Variants in ANK3 observed in about 807,000 individuals in gnomAD.
The protein encoded by ANK3 is ankyrin 3.
A neutral mutation model predicts 370.9 loss-of-function variants in ANK3; 57 were observed. The ratio of observed to expected loss-of-function variants is 0.15; its 90% confidence interval spans 0.12 to 0.19. The LOEUF is 0.19. Among genes scored for constraint, ANK3 ranks in the 10% least tolerant of loss-of-function variants. The probability of loss-of-function intolerance (pLI) is 1.00; values close to 1 mark genes in which losing one functional copy is unlikely to be tolerated. For missense variants in ANK3, 4,439 were observed against 5,302.1 expected (o/e 0.84, Z 5.06); for synonymous variants, 1,929 against 1,946.3 (o/e 0.99, Z 0.23).
At chr10:60,435,949 C>T (rs2064145171) in intron 2 of ANK3, among the ~76,000 whole-genome samples, 2 of 152,228 alleles carry the variant, frequency 1.3e-5, no homozygotes, top group East Asian at 1.9e-4. Flanking sequence ...TAGCCGGGCG[C>T]AGTGGCAGGC....
At chr10:60,638,843 C>A (rs1289297179) in intron 1 of ANK3, among the ~76,000 whole-genome samples, 1 of 151,992 alleles carries the variant, frequency 6.6e-6, no homozygotes, top group Non-Finnish European at 1.5e-5. Flanking sequence ...AAATAAAGCA[C>A]AGACAGAAAG....
intron 14 of ANK3, 107 bp from the exon 15 acceptor site, chr10:60,196,732 G>A: frequency 1.5e-6 from 1 of 685,962 alleles, no homozygotes; most frequent in Non-Finnish European, 2.5e-6. Context: ...TGACATAAGG[G>A]CACTGCTTTC....
At chr10:60,636,630 T>C in intron 1 of ANK3, among the ~76,000 whole-genome samples, 1 of 152,210 alleles carries the variant, frequency 6.6e-6, no homozygotes, top group East Asian at 1.9e-4. Flanking sequence ...CAAGAAAGAC[T>C]GCTTCAGGCA....
At chr10:60,539,653 G>A (rs1371351980) in intron 2 of ANK3, among the ~76,000 whole-genome samples, 1 of 151,882 alleles carries the variant, frequency 6.6e-6, no homozygotes, top group Non-Finnish European at 1.5e-5. Context: ...AATAAGAGAA[G>A]TAGTCAAATG....
chr10:60,555,405 G>T (rs999177139), intron 2 of ANK3, among the ~76,000 whole-genome samples: 3 of 152,014 alleles, frequency 2.0e-5, no homozygotes, highest in Non-Finnish European at 2.9e-5. Flanking sequence ...CCCAGGAGTT[G>T]GAGGCTGAAG....
rs548781963 is a variant in ANK3 at position 60,126,987 on chromosome 10, AT to A, written c.2841+7283del. Among the ~76,000 whole-genome samples the A allele has an allele frequency of 3.0e-3, 462 of 152,328 alleles. 3 individuals carry two copies. The highest frequency in any genetic ancestry group is 0.011 in the African/African-American group (439 of 41,574). ...TTTCCAGGGATGGGGGAAGACTGAA[AT>A]TAAATTGCTGGTTTATATGGCAAGA... On this transcript the variant is annotated intron_variant, in intron 25 of 43. Coordinates refer to ENST00000280772, the MANE Select transcript of ANK3 (RefSeq NM_020987.5).
intron 1 of ANK3, among the ~76,000 whole-genome samples, chr10:60,725,168 C>A (rs897074736): frequency 6.6e-6 from 1 of 152,156 alleles, no homozygotes; most frequent in African/African-American, 2.4e-5. Flanking sequence ...GTACTTCACA[C>A]TCTTATCTTT....
intron 2 of ANK3, among the ~76,000 whole-genome samples, chr10:60,511,780 G>C (rs1451704030): frequency 6.8e-6 from 1 of 147,610 alleles, no homozygotes; most frequent in Non-Finnish European, 1.5e-5. Context: ...CAGGACAATG[G>C]GGAAAGGCAT....
intron 1 of ANK3, among the ~76,000 whole-genome samples, chr10:60,339,015 G>T (rs2053662238): frequency 7.9e-6 from 1 of 126,866 alleles, no homozygotes. Flanking sequence ...AAGACAATTA[G>T]CATATACTCC....
At chr10:60,064,430 T>C in intron 38 of ANK3, 142 bp from the exon 39 acceptor site, 2 of 851,868 alleles carry the variant, frequency 2.3e-6, no homozygotes, top group South Asian at 3.6e-5. Context: ...AATTTTTATA[T>C]ACTTGGCTTC....
intron 8 of ANK3, among the ~76,000 whole-genome samples, chr10:60,228,429 G>C (rs2097195687): frequency 6.6e-6 from 1 of 151,052 alleles, no homozygotes; most frequent in African/African-American, 2.4e-5. Context: ...AGCTACTCAG[G>C]AGACAGGTAC....
intron 1 of ANK3, among the ~76,000 whole-genome samples, chr10:60,693,845 T>A (rs2079398503): frequency 6.6e-6 from 1 of 152,050 alleles, no homozygotes; most frequent in African/African-American, 2.4e-5. Flanking sequence ...AGAGCACCTC[T>A]CCTCCTCCAA....
chr10:60,051,176 C>CT lies in ANK3; in HGVS notation c.13065+4481dup, dbSNP rs1453273668. 2.6e-5 allele frequency among the ~76,000 whole-genome samples: 4 copies of CT among 152,176 alleles called. No individual in the cohort carries two copies. In the East Asian group the frequency reaches 7.7e-4, roughly 29 times the overall value. On this transcript the variant is annotated intron_variant, in intron 42 of 43. Coordinates refer to ENST00000280772, the MANE Select transcript of ANK3 (RefSeq NM_020987.5). Reference sequence around the variant, plus strand: ...AACTACTGTGTCACCAAGACAGAATCTTTGCTCATTCACATAACACTTCTT... The same window carrying CT: ...AACTACTGTGTCACCAAGACAGAATCTTTTGCTCATTCACATAACACTTCTT...
intron 1 of ANK3, among the ~76,000 whole-genome samples, chr10:60,689,772 A>G (rs1167094776): frequency 2.0e-5 from 3 of 151,846 alleles, no homozygotes; most frequent in Admixed American, 2.0e-4. Context: ...AAAAAAAAGA[A>G]TGAACTAGAG....
chr10:60,277,856 T>C (rs1320218187), intron 4 of ANK3, among the ~76,000 whole-genome samples: 1 of 152,204 alleles, frequency 6.6e-6, no homozygotes, highest in Non-Finnish European at 1.5e-5. Flanking sequence ...GAAGTCAGCA[T>C]TCGACTGGAA....
chr10:60,318,190 T>C (rs2047877391), intron 1 of ANK3, among the ~76,000 whole-genome samples: 1 of 152,182 alleles, frequency 6.6e-6, no homozygotes, highest in African/African-American at 2.4e-5. Flanking sequence ...GCTGCACTTA[T>C]CAACCCATCA....
intron 7 of ANK3, among the ~76,000 whole-genome samples, chr10:60,245,393 G>T (rs1232169104): frequency 6.6e-6 from 1 of 152,046 alleles, no homozygotes; most frequent in Non-Finnish European, 1.5e-5. Flanking sequence ...ACAATTCAGT[G>T]ATTTTTTTAT....
intron 2 of ANK3, among the ~76,000 whole-genome samples, chr10:60,414,160 C>A (rs1385528387): frequency 6.6e-6 from 1 of 152,118 alleles, no homozygotes; most frequent in African/African-American, 2.4e-5. Context: ...AGTCTCACAT[C>A]ACAGAATCAA....
chr10:60,221,934 T>C (rs1176274526), intron 8 of ANK3, among the ~76,000 whole-genome samples: 1 of 152,134 alleles, frequency 6.6e-6, no homozygotes, highest in Non-Finnish European at 1.5e-5. Flanking sequence ...TGTGAAGTAT[T>C]ATATTCTTTA....
Sources: gnomAD v4.1 joint callset for allele counts (sites outside exome capture counted in the v4.1 genomes callset) on GRCh38, gnomAD v4.1.1 for gene constraint, MANE v1.5 for transcripts, NCBI Gene and HGNC (gene_info 2026-07-23, HGNC 2026-07-21) for gene names.